The following CDON variants were observed in gnomAD, a reference collection of about 807,000 sequenced individuals.
The protein encoded by CDON is cell adhesion molecule-related/down-regulated by oncogenes.
In CDON, 73 loss-of-function variants were observed where a neutral mutation model predicts 120.9. The observed-to-expected ratio is 0.60, with a 90% CI of 0.50 to 0.73. The LOEUF (loss-of-function observed/expected upper bound fraction) is 0.73, where lower values mean the gene tolerates loss of function less well. CDON is among the 30% of genes least tolerant of loss of function. CDON has a pLI of 0.00. For missense variants in CDON, 1,470 were observed against 1,587.3 expected (o/e 0.93, Z 1.26); for synonymous variants, 566 against 573.5 (o/e 0.99, Z 0.19).
intron 14 of CDON, among the ~76,000 whole-genome samples, chr11:125,990,788 G>A (rs1336654208): frequency 6.6e-6 from 1 of 152,110 alleles, no homozygotes; most frequent in Non-Finnish European, 1.5e-5. Flanking sequence ...CCTCTTTTCA[G>A]GTCAACAGTA....
chr11:125,979,692 GT>G (rs1412164847), intron 17 of CDON, among the ~76,000 whole-genome samples: 1 of 152,180 alleles, frequency 6.6e-6, no homozygotes, highest in African/African-American at 2.4e-5. Flanking sequence ...TGGGCCTTAT[GT>G]TTTCTTCTTA....
chr11:126,062,848 G>C lies in CDON; in HGVS notation c.-331C>G, dbSNP rs1448016950. On this transcript the variant is annotated 5_prime_UTR_variant, in exon 1 of 20. Transcript: ENST00000531738. ...GCCGGGCTCCCGGGCTCAGGGGAGG[G>C]GAGCTGAGGGGCGGAGTCACCGGGG... The C allele has an allele frequency of 6.6e-6, 1 of 151,772 alleles. No homozygotes were observed. Among genetic ancestry groups the C allele is most frequent in the Non-Finnish European group, 1.5e-5 (1 of 67,950 alleles). 9.4% of individuals were successfully genotyped at this position (151,772 alleles called of 1,614,324 possible). A position where few individuals can be genotyped will look rare whatever the true frequency, so the allele number is the denominator to read the frequency against.
chr11:126,020,991 GAA>G (rs5795473), intron 3 of CDON, among the ~76,000 whole-genome samples: 1 of 147,822 alleles, frequency 6.8e-6, no homozygotes, highest in Non-Finnish European at 1.5e-5. Context: ...AGATTATAAA[GAA>G]AAAAAAAAAA....
At chr11:126,023,376 A>AC in intron 2 of CDON, 25 bp downstream of exon 2, 1 of 1,486,184 alleles carries the variant, frequency 6.7e-7, no homozygotes, top group South Asian at 1.1e-5. Flanking sequence ...AGGCCAAACC[A>AC]CCCCCTCCCC....
At chr11:126,001,360 T>C (rs1946940200) in intron 11 of CDON, among the ~76,000 whole-genome samples, 1 of 152,066 alleles carries the variant, frequency 6.6e-6, no homozygotes, top group South Asian at 2.1e-4. Context: ...GCTAATTTTT[T>C]TGAATTTTTA....
intron 1 of CDON, among the ~76,000 whole-genome samples, chr11:126,045,321 C>T (rs1039483065): frequency 3.9e-5 from 6 of 151,966 alleles, no homozygotes; most frequent in Admixed American, 2.6e-4. Flanking sequence ...CCAGCACGCC[C>T]GGCCAATAAT....
intron 1 of CDON, among the ~76,000 whole-genome samples, chr11:126,048,809 T>C (rs1409024542): frequency 6.6e-6 from 1 of 152,184 alleles, no homozygotes; most frequent in East Asian, 1.9e-4. Flanking sequence ...GTTCAAGCAA[T>C]TCTCCTGCCT....
Position 125,961,826 on chromosome 11 carries a change from T to G in CDON, c.3529A>C (p.Lys1177Gln). ...GTAGGGACTGGTTCCACATTGTCCT[T>G]GACGCTCTCCTCCGGCAACTGGCCA... Reference protein sequence around the residue: ...DCGQLPEESVKDNVEPVPTQR... With the variant: ...DCGQLPEESVQDNVEPVPTQR... Residue 1177 changes from lysine to glutamine, a missense_variant, in exon 19 of 20, where the codon AAG becomes CAG. Lys to Gln is a moderately conservative substitution (Grantham distance 53). Transcript: ENST00000531738. 6.2e-7 allele frequency: 1 copy of G among 1,614,178 alleles called. No homozygotes were observed. Among genetic ancestry groups the G allele is most frequent in the Non-Finnish European group, 8.5e-7 (1 of 1,180,036 alleles).
chr11:125,985,146 TG>T (rs1163812531), intron 15 of CDON, among the ~76,000 whole-genome samples: 1 of 152,142 alleles, frequency 6.6e-6, no homozygotes, highest in African/African-American at 2.4e-5. Flanking sequence ...ATTAGCTGTA[TG>T]ATTTTTACCT....
rs368177231 is a variant in CDON at position 126,003,939 on chromosome 11, T to A, written c.1989A>T (p.Glu663Asp). The stretch of plus-strand genomic sequence containing the variant: ...GGAAGGTAAGCATGGCAGGTTGGCC[T>A]TCACCTGCTGCGCTTCTTGCTACCA... ...VLMVARSAAGEGQPAMLTFRT... is the reference protein window; with the variant it reads ...VLMVARSAAGDGQPAMLTFRT... Residue 663 changes from glutamate (E) to aspartate (D), a missense_variant, in exon 10 of 20, where the codon GAA becomes GAT. Coordinates refer to ENST00000531738, the MANE Select transcript of CDON (RefSeq NM_001378964.1). 17 of 1,614,042 alleles carry A rather than the reference T, an allele frequency of 1.1e-5. No individual in the cohort carries two copies. In the African/African-American group the frequency reaches 2.1e-4, roughly 20 times the overall value.
chr11:125,982,129 C>T (rs1015947095), intron 16 of CDON, among the ~76,000 whole-genome samples: 33 of 145,042 alleles, frequency 2.3e-4, no homozygotes, highest in African/African-American at 8.4e-4. Flanking sequence ...TGCGTGCCAC[C>T]ACATCCGGCT....
chr11:126,056,448 G>C (rs1054775000), intron 1 of CDON, among the ~76,000 whole-genome samples: 1 of 152,180 alleles, frequency 6.6e-6, no homozygotes, highest in Admixed American at 6.5e-5. Flanking sequence ...TGTGTCAAGA[G>C]CTATGAATAG....
In CDON at chr11:126,023,452, A is replaced by C. The variant is rs747426609; in HGVS notation, c.25T>G (p.Cys9Gly). 3 of 1,613,340 alleles carry C rather than the reference A, an allele frequency of 1.9e-6. No individual in the cohort carries two copies. Among genetic ancestry groups the C allele is most frequent in the African/African-American group, 2.7e-5 (2 of 74,922 alleles). ...GTAAGAGTAACATACAGCAGTGTAC[A>C]TAAGGGTCCAAGATCCGGATGCATA... MHPDLGPL[C>G]TLLYVTLTIL... The change falls in exon 2 of 20, where the codon TGT becomes GGT. Residue 9 changes from cysteine (C) to glycine (G), a missense_variant. By Grantham distance (159) the Cys-to-Gly change is radical (BLOSUM62 -3). Transcript: ENST00000531738.
intron 1 of CDON, among the ~76,000 whole-genome samples, chr11:126,056,043 T>C (rs958577291): frequency 6.6e-6 from 1 of 152,178 alleles, no homozygotes; most frequent in Non-Finnish European, 1.5e-5. Context: ...AGGCATACCA[T>C]AAAAGCCTAT....
chr11:125,972,495 G>C (rs1231196104), intron 18 of CDON, among the ~76,000 whole-genome samples: 1 of 151,992 alleles, frequency 6.6e-6, no homozygotes, highest in Non-Finnish European at 1.5e-5. Flanking sequence ...TGAGGCAAGC[G>C]GTCATTTACA....
intron 1 of CDON, among the ~76,000 whole-genome samples, chr11:126,053,956 G>A (rs1948628658): frequency 1.3e-5 from 2 of 152,156 alleles, no homozygotes; most frequent in South Asian, 4.2e-4. Context: ...CAGGAAAAAT[G>A]TCTTATCCCC....
intron 18 of CDON, among the ~76,000 whole-genome samples, chr11:125,969,129 G>C (rs1041460403): frequency 1.3e-5 from 2 of 152,200 alleles, no homozygotes; most frequent in African/African-American, 4.8e-5. Flanking sequence ...CTCCCGAGTA[G>C]CTGGGATTAC....
chr11:125,978,884 C>G (rs1476040986), intron 17 of CDON, among the ~76,000 whole-genome samples: 1 of 152,140 alleles, frequency 6.6e-6, no homozygotes, highest in Non-Finnish European at 1.5e-5. Flanking sequence ...CTTGACAACG[C>G]TAAGTTTTAA....
chr11:126,023,412 G>C lies in CDON; in HGVS notation c.65C>G (p.Ser22Cys), dbSNP rs765875828. ...AATTCTACTCTTACCTGAACTCACAGAAGAGCACAGAATTGTAAGAGTAAC... is the reference window on the plus strand; with the variant it reads ...AATTCTACTCTTACCTGAACTCACACAAGAGCACAGAATTGTAAGAGTAAC... Reference protein sequence around the residue: ...LYVTLTILCSSVSSDLAPYFT... With the variant: ...LYVTLTILCSCVSSDLAPYFT... Residue 22 changes from serine to cysteine, a missense_variant, in exon 2 of 20, where the codon TCT (serine) becomes TGT (cysteine). Transcript: ENST00000531738. 6.2e-7 allele frequency: 1 copy of C among 1,608,882 alleles called. No homozygotes were observed.
Sources: allele counts gnomAD v4.1 joint callset (sites outside exome capture counted in the v4.1 genomes callset), GRCh38; gene constraint gnomAD v4.1.1; transcripts MANE v1.5; gene names NCBI Gene and HGNC (gene_info 2026-07-23, HGNC 2026-07-21).